The following SSUH2 variants were observed in gnomAD, a reference collection of about 807,000 sequenced individuals.
The protein encoded by SSUH2 is protein SSUH2 homolog.
SSUH2 carries 47 observed loss-of-function variants against 55.3 expected under a neutral mutation model. The ratio of observed to expected loss-of-function variants is 0.85; its 90% CI spans 0.67 to 1.08. SSUH2 has a LOEUF of 1.08. Ranked by LOEUF, SSUH2 falls within the 50% of genes least tolerant of loss-of-function variation. The probability of loss-of-function intolerance (pLI) is 0.00; values close to 1 mark genes in which losing one functional copy is unlikely to be tolerated. For missense variants in SSUH2, 535 were observed against 490.7 expected, an observed-to-expected ratio of 1.09 and a Z score of -0.85; for synonymous variants, 212 against 191.5, an observed-to-expected ratio of 1.11 and a Z score of -0.89.
chr3:8,661,200 C>T (rs1337795471), intron 6 of SSUH2, among the ~76,000 whole-genome samples: 1 of 152,208 alleles, frequency 6.6e-6, no homozygotes, highest in Non-Finnish European at 1.5e-5. Context: ...CACTCTTGGC[C>T]TTCACATGCA....
intron 7 of SSUH2, among the ~76,000 whole-genome samples, chr3:8,629,102 G>T (rs1308918921): frequency 2.0e-5 from 3 of 152,122 alleles, no homozygotes; most frequent in Admixed American, 1.3e-4. Flanking sequence ...CTCGTGATCT[G>T]CCCGCCTTGG....
In SSUH2 at chr3:8,644,752, T is replaced by C. The variant is rs1436183101; in HGVS notation, c.7A>G (p.Arg3Gly). The change falls in exon 1 of 12, where the codon AGG (arginine) becomes GGG (glycine). Residue 3 changes from arginine (R) to glycine (G), a missense_variant. Arg to Gly is a moderately radical substitution (Grantham distance 125). Transcript: ENST00000544814. Reference protein sequence around the residue: MDRDLNEDDSVVD... With the variant: MDGDLNEDDSVVD... Reference sequence around the variant, plus strand: ...TTACTGTCATCTTCATTCAGATCCCTGTCCATGTTCCAGACGTCCTGCCAA... The same window carrying C: ...TTACTGTCATCTTCATTCAGATCCCCGTCCATGTTCCAGACGTCCTGCCAA... 5.2e-6 allele frequency: 8 copies of C among 1,536,168 alleles called. No homozygotes were observed. In the Admixed American group the frequency reaches 7.8e-5, roughly 15 times the overall value.
chr3:8,649,723 C>G (rs574085227), upstream of SSUH2, among the ~76,000 whole-genome samples: 1,116 of 152,230 alleles, frequency 7.3e-3, 5 homozygotes, highest in Non-Finnish European at 0.012. Context: ...CCCCTGCCCC[C>G]CTCACCTGGA....
At chr3:8,673,092 G>T (rs529927415) in intron 3 of SSUH2, among the ~76,000 whole-genome samples, 9 of 151,696 alleles carry the variant, frequency 5.9e-5, no homozygotes, top group African/African-American at 2.2e-4. Flanking sequence ...ATTGCTAATA[G>T]TGTTCAGATT....
In SSUH2 at chr3:8,653,360, T is replaced by C. The variant is rs936213898; in HGVS notation, c.-307+5565A>G. On this transcript the variant is annotated intron_variant, in intron 7 of 18. Transcript: ENST00000317371. ...CAAAAGATTAAAAACTAAAAACTAA[T>C]GGTCACCCCACCTCCAATGTCCACA... Among the ~76,000 whole-genome samples the C allele has an allele frequency of 9.8e-5, 15 of 152,356 alleles. No homozygotes were observed. The South Asian group carries it at 2.1e-3, about 21-fold the overall frequency.
chr3:8,622,257 C>G (rs1047595296), intron 11 of SSUH2, among the ~76,000 whole-genome samples: 1 of 152,154 alleles, frequency 6.6e-6, no homozygotes, highest in Non-Finnish European at 1.5e-5. Flanking sequence ...GAAGTGACCT[C>G]CACTCCCATT....
rs1705647999 is a variant in SSUH2, at chr3:8,678,673, GGGATTGAGAGCCAGC to G, written c.-901+1017_-901+1031del. Among the ~76,000 whole-genome samples the G allele has an allele frequency of 2.2e-4, 12 of 54,016 alleles. 1 individual carries two copies. The highest frequency in any genetic ancestry group is 1.3e-3 in the East Asian group (1 of 784). The allele number at this position is 54,016 out of a possible 152,430, so 35.4% of individuals were successfully genotyped here. A position where few individuals can be genotyped will look rare whatever the true frequency, so the allele number is the denominator to read the frequency against. ...GGGGGGAGGCACCCCCCGCGAGGCG[GGGATTGAGAGCCAGC>G]CACTCTTCCCCTCCTGGGTCTTAGG... On this transcript the variant is annotated intron_variant, in intron 2 of 18. Transcript: ENST00000317371.
At chr3:8,681,330 A>AG (rs1705932135) in intron 1 of SSUH2, among the ~76,000 whole-genome samples, 1 of 131,310 alleles carries the variant, frequency 7.6e-6, no homozygotes, top group Non-Finnish European at 1.6e-5. Context: ...GGGTGGAGGC[A>AG]CCCCCCGCGG....
chr3:8,627,837 A>T, intron 7 of SSUH2, 54 bp from the exon 8 acceptor site: 1 of 1,522,852 alleles, frequency 6.6e-7, no homozygotes, highest in Non-Finnish European at 9.0e-7. Flanking sequence ...AGCAGGGCCA[A>T]CGGCATCCCA....
chr3:8,633,904 G>A (rs1411312297), intron 3 of SSUH2, 109 bp from the exon 4 acceptor site: 3 of 1,613,990 alleles, frequency 1.9e-6, no homozygotes, highest in African/African-American at 1.3e-5. Context: ...CCACGGTAGT[G>A]GTAAAGCCCT....
upstream of SSUH2, among the ~76,000 whole-genome samples, chr3:8,647,091 G>T (rs747627627): frequency 5.3e-5 from 8 of 152,226 alleles, no homozygotes; most frequent in Non-Finnish European, 1.0e-4. Context: ...CATGGCTGCA[G>T]CAAGAATTAG....
intron 6 of SSUH2, chr3:8,659,117 G>A (rs897258461): frequency 2.6e-5 from 4 of 152,184 alleles, no homozygotes; most frequent in Non-Finnish European, 5.9e-5. Context: ...GCCTGACTCC[G>A]AAATCCATGC....
chr3:8,670,554 C>T (rs567547411), intron 5 of SSUH2, among the ~76,000 whole-genome samples: 1 of 151,984 alleles, frequency 6.6e-6, no homozygotes, highest in African/African-American at 2.4e-5. Context: ...TGTCATACAC[C>T]CCCGGTGACA....
upstream of SSUH2, among the ~76,000 whole-genome samples, chr3:8,646,105 T>G (rs185757523): frequency 1.3e-5 from 2 of 152,302 alleles, no homozygotes; most frequent in Non-Finnish European, 2.9e-5. Context: ...TAAGCCCTTA[T>G]AGAATTGTCC....
At chr3:8,621,326 G>A (rs916011885) in intron 11 of SSUH2, among the ~76,000 whole-genome samples, 3 of 152,318 alleles carry the variant, frequency 2.0e-5, no homozygotes, top group South Asian at 2.1e-4. Context: ...TCCTCTTGCT[G>A]TAGTTGATAG....
In SSUH2 at chr3:8,644,731, T is replaced by C. The variant is rs767830883; in HGVS notation, c.28A>G (p.Ser10Gly). The C allele has an allele frequency of 2.9e-5, 45 of 1,535,946 alleles. No individual in the cohort carries two copies. Among genetic ancestry groups the C allele is most frequent in the South Asian group, 1.9e-4 (16 of 84,064 alleles). MDRDLNEDD[S>G]VVDLSFEAES... is the part of the protein sequence containing the mutation. ...GTGCCATCTTTGAGGCTCTACTTACTGTCATCTTCATTCAGATCCCTGTCC... is the reference window on the plus strand; with the variant it reads ...GTGCCATCTTTGAGGCTCTACTTACCGTCATCTTCATTCAGATCCCTGTCC... Residue 10 changes from serine (S) to glycine (G), a missense_variant and splice_region_variant, in exon 1 of 12, where the codon AGT (serine) becomes GGT (glycine). By Grantham distance (56) the Ser-to-Gly change is moderately conservative (BLOSUM62 0). Coordinates refer to ENST00000544814, the MANE Select transcript of SSUH2 (RefSeq NM_001256748.3).
upstream of SSUH2, among the ~76,000 whole-genome samples, chr3:8,646,194 C>T (rs535979141): frequency 6.6e-6 from 1 of 152,268 alleles, no homozygotes; most frequent in East Asian, 1.9e-4. Context: ...GTGTGAGCAT[C>T]CATTGCTGTA....
In SSUH2 at chr3:8,633,727, T is replaced by G. The variant is rs961714575; in HGVS notation, c.278A>C (p.Tyr93Ser). 7 of 1,587,644 alleles carry G rather than the reference T, an allele frequency of 4.4e-6. No individual in the cohort carries two copies. The highest frequency in any genetic ancestry group is 4.3e-6 in the Non-Finnish European group (5 of 1,165,414). ...LLSFVDSKCC[Y>S]SSTVAGDLVI... ...GAGGTCTCCAGCCACCGTGCTGCTG[T>G]AGCAGCACTTAGAGTCCACAAAGCT... The change falls in exon 4 of 12, where the codon TAC becomes TCC. Residue 93 changes from tyrosine (Y) to serine (S), a missense_variant. Tyr to Ser is a moderately radical substitution (Grantham distance 144, BLOSUM62 -2). Coordinates refer to ENST00000544814, the MANE Select transcript of SSUH2 (RefSeq NM_001256748.3).
chr3:8,658,565 C>T (rs1391516773), intron 7 of SSUH2, among the ~76,000 whole-genome samples: 1 of 152,200 alleles, frequency 6.6e-6, no homozygotes, highest in Non-Finnish European at 1.5e-5. Context: ...AATAGTTTTG[C>T]TTTGTTCGGC....
Sources: gnomAD v4.1 joint callset for allele counts (sites outside exome capture counted in the v4.1 genomes callset) on GRCh38, gnomAD v4.1.1 for gene constraint, MANE v1.5 for transcripts, NCBI Gene and HGNC (gene_info 2026-07-23, HGNC 2026-07-21) for gene names.